The following SGCZ variants were observed in gnomAD, a reference collection of about 807,000 sequenced individuals.
The protein encoded by SGCZ is zeta-sarcoglycan.
A neutral mutation model predicts 41.3 loss-of-function variants in SGCZ; 40 were observed. The ratio of observed to expected loss-of-function variants is 0.97; its 90% CI spans 0.75 to 1.26. The LOEUF (loss-of-function observed/expected upper bound fraction) is 1.26, where lower values mean the gene tolerates loss of function less well. Among genes scored for constraint, SGCZ ranks in the 50% most tolerant of loss-of-function variants. The probability of loss-of-function intolerance (pLI) is 0.00; values close to 1 mark genes in which losing one functional copy is unlikely to be tolerated. For synonymous variants in SGCZ, 206 were observed against 137.5 expected (o/e 1.50, Z -3.49); for missense variants, 552 against 369.8 (o/e 1.49, Z -4.04).
chr8:14,977,110 T>C (rs1801503127), intron 1 of SGCZ, among the ~76,000 whole-genome samples: 1 of 152,224 alleles, frequency 6.6e-6, no homozygotes, highest in Non-Finnish European at 1.5e-5. Flanking sequence ...GGAAAGTATT[T>C]ATTCACCAAA....
At chr8:15,103,443 G>A (rs1026628161) in intron 1 of SGCZ, among the ~76,000 whole-genome samples, 34 of 133,880 alleles carry the variant, frequency 2.5e-4, no homozygotes, top group African/African-American at 8.1e-4. Context: ...AGTAAATGAA[G>A]AGCCATAGCA....
At chr8:14,960,198 C>T (rs369926490) in intron 1 of SGCZ, among the ~76,000 whole-genome samples, 29 of 152,180 alleles carry the variant, frequency 1.9e-4, no homozygotes, top group African/African-American at 6.7e-4. Flanking sequence ...AGGGTGAATG[C>T]AATATTTTTT....
chr8:14,297,311 T>G (rs112206576), intron 3 of SGCZ, among the ~76,000 whole-genome samples: 13 of 151,864 alleles, frequency 8.6e-5, no homozygotes, highest in African/African-American at 2.4e-4. Context: ...AAAATTGTAT[T>G]TAATAGAGAA....
intron 2 of SGCZ, among the ~76,000 whole-genome samples, chr8:14,552,180 T>C (rs80182270): frequency 5.3e-4 from 80 of 152,146 alleles, no homozygotes; most frequent in African/African-American, 1.8e-3. Flanking sequence ...AAACATAACA[T>C]TGGTTTTATT....
At chr8:14,850,766 T>C (rs1803287981) in intron 1 of SGCZ, among the ~76,000 whole-genome samples, 1 of 152,132 alleles carries the variant, frequency 6.6e-6, no homozygotes, top group Admixed American at 6.5e-5. Flanking sequence ...TCCCCACCGC[T>C]GTTCTCATGA....
chr8:14,203,290 A>G (rs1008834925), intron 4 of SGCZ, among the ~76,000 whole-genome samples: 1 of 152,216 alleles, frequency 6.6e-6, no homozygotes, highest in Non-Finnish European at 1.5e-5. Flanking sequence ...ACAAATTGGT[A>G]AGTGCTGTTA....
At chr8:14,644,544 T>C (rs1395089947) in intron 1 of SGCZ, among the ~76,000 whole-genome samples, 2 of 151,800 alleles carry the variant, frequency 1.3e-5, no homozygotes, top group African/African-American at 4.8e-5. Context: ...TCCTTCAAAG[T>C]CCATTAATGG....
chr8:15,191,457 A>G (rs746086491), intron 1 of SGCZ, among the ~76,000 whole-genome samples: 2 of 152,078 alleles, frequency 1.3e-5, no homozygotes, highest in Admixed American at 6.5e-5. Context: ...GTTAAATAGT[A>G]TTTAACCCTG....
At chr8:14,368,561 C>A (rs1029896457) in intron 2 of SGCZ, among the ~76,000 whole-genome samples, 1 of 151,976 alleles carries the variant, frequency 6.6e-6, no homozygotes, top group Non-Finnish European at 1.5e-5. Context: ...CTTGGAGGGA[C>A]GTTGTACATT....
At chr8:14,355,145 C>T (rs913499130) in intron 2 of SGCZ, among the ~76,000 whole-genome samples, 9 of 152,096 alleles carry the variant, frequency 5.9e-5, no homozygotes, top group Admixed American at 1.3e-4. Flanking sequence ...CTTTATTACA[C>T]ATTTTGTTCA....
At chr8:14,352,848 T>G (rs985274092) in intron 2 of SGCZ, among the ~76,000 whole-genome samples, 1 of 152,110 alleles carries the variant, frequency 6.6e-6, no homozygotes, top group Non-Finnish European at 1.5e-5. Context: ...TAGGTGTCTT[T>G]TAACACCTAA....
chr8:14,555,519 C>G (rs1804008258), intron 1 of SGCZ, among the ~76,000 whole-genome samples: 1 of 151,994 alleles, frequency 6.6e-6, no homozygotes, highest in Non-Finnish European at 1.5e-5. Context: ...TTCCTGAGGC[C>G]TCCCCAGAAG....
chr8:14,888,160 A>G (rs1461339410), intron 1 of SGCZ, among the ~76,000 whole-genome samples: 1 of 152,192 alleles, frequency 6.6e-6, no homozygotes, highest in Non-Finnish European at 1.5e-5. Context: ...CTTTTTCAAA[A>G]AAGCAATACA....
chr8:15,237,461 A>T, intron 1 of SGCZ, 124 bp downstream of exon 1: 3 of 1,184,008 alleles, frequency 2.5e-6, no homozygotes, highest in South Asian at 1.3e-5. Flanking sequence ...CGTCCCCCCA[A>T]CGCCCCCTCG....
At chr8:14,482,243 G>A (rs538520590) in intron 2 of SGCZ, among the ~76,000 whole-genome samples, 4 of 152,286 alleles carry the variant, frequency 2.6e-5, no homozygotes, top group African/African-American at 9.6e-5. Context: ...GTTCATATCT[G>A]CAAATGACAG....
At chr8:14,416,195 T>A (rs1398187682) in intron 2 of SGCZ, among the ~76,000 whole-genome samples, 1 of 151,846 alleles carries the variant, frequency 6.6e-6, no homozygotes, top group African/African-American at 2.4e-5. Context: ...TATATCAGAA[T>A]GAGGAAACAC....
chr8:14,751,227 T>C (rs1563245598), intron 1 of SGCZ, among the ~76,000 whole-genome samples: 3 of 152,200 alleles, frequency 2.0e-5, no homozygotes, highest in Non-Finnish European at 4.4e-5. Flanking sequence ...AGACACAGTC[T>C]CTCTGACCAG....
chr8:14,739,323 T>A (rs17120187), intron 1 of SGCZ, among the ~76,000 whole-genome samples: 5,372 of 152,124 alleles, frequency 0.035, 152 homozygotes, highest in African/African-American at 0.075. Context: ...AATGTTTCAT[T>A]AAATAATTCA....
At chr8:15,107,275 G>A (rs1241440791) in intron 1 of SGCZ, among the ~76,000 whole-genome samples, 2 of 152,206 alleles carry the variant, frequency 1.3e-5, no homozygotes, top group South Asian at 2.1e-4. Context: ...GTTGTGCTGT[G>A]GTTTAGATAT....
Sources: gnomAD v4.1 joint callset for allele counts (sites outside exome capture counted in the v4.1 genomes callset) on GRCh38, gnomAD v4.1.1 for gene constraint, MANE v1.5 for transcripts, NCBI Gene and HGNC (gene_info 2026-07-23, HGNC 2026-07-21) for gene names.